PRKG1: variants seen among roughly 807,000 people sequenced by gnomAD.
The protein encoded by PRKG1 is protein kinase cGMP-dependent 1.
A neutral mutation model predicts 88.1 loss-of-function variants in PRKG1; 35 were observed. The ratio of observed to expected loss-of-function variants is 0.40; its 90% CI spans 0.30 to 0.53. The LOEUF is 0.53. PRKG1 is among the 20% of genes least tolerant of loss of function. PRKG1 has a pLI of 0.59. For synonymous variants in PRKG1, 303 were observed against 292.5 expected (o/e 1.04, Z -0.37); for missense variants, 540 against 839.8 (o/e 0.64, Z 4.41).
chr10:51,016,669 C>CTTTTTTTTTTTTTTTTT (rs1323068893), intron 1 of PRKG1, among the ~76,000 whole-genome samples: 17 of 22,760 alleles, frequency 7.5e-4, no homozygotes, highest in Non-Finnish European at 1.1e-3. Flanking sequence ...TATTATTATC[C>CTTTTTTTTTTTTTTTTT]TTTCTTTTTT....
chr10:51,044,504 T>C lies in PRKG1; in HGVS notation c.266+52860T>C, dbSNP rs146863062. On this transcript the variant is annotated intron_variant, in intron 1 of 17. Coordinates refer to the PRKG1 transcript ENST00000401604. ...GGTCGCTATCCCTTTAAAAAAGTTA[T>C]AGCAAATTCTTACATCAAAAAAATA... Among the ~76,000 whole-genome samples the C allele has an allele frequency of 2.4e-3, 366 of 152,270 alleles. 4 individuals carry two copies. The highest frequency in any genetic ancestry group is 8.3e-3 in the African/African-American group (346 of 41,558).
At chr10:52,222,477 T>G (rs1265509195) in intron 9 of PRKG1, among the ~76,000 whole-genome samples, 1 of 152,194 alleles carries the variant, frequency 6.6e-6, no homozygotes, top group Non-Finnish European at 1.5e-5. Context: ...ATGCAATTCT[T>G]CACCATTGGA....
chr10:51,436,341 T>C (rs1838930157), intron 2 of PRKG1, among the ~76,000 whole-genome samples: 1 of 152,000 alleles, frequency 6.6e-6, no homozygotes, highest in South Asian at 2.1e-4. Context: ...TTAGCAGACA[T>C]AGACGTCTCC....
intron 2 of PRKG1, among the ~76,000 whole-genome samples, chr10:51,275,432 G>C (rs1229875313): frequency 6.6e-6 from 1 of 152,092 alleles, no homozygotes; most frequent in Non-Finnish European, 1.5e-5. Context: ...ATTTTTCTTT[G>C]GAAAATGTCT....
At chr10:51,513,915 C>T (rs1316355189) in intron 3 of PRKG1, among the ~76,000 whole-genome samples, 1 of 130,654 alleles carries the variant, frequency 7.7e-6, no homozygotes, top group Non-Finnish European at 1.6e-5. Context: ...AAATTGACAC[C>T]CTAACATCAC....
At chr10:52,108,105 CAGAG>C (rs1369907943) in intron 7 of PRKG1, among the ~76,000 whole-genome samples, 18 of 152,236 alleles carry the variant, frequency 1.2e-4, no homozygotes, top group African/African-American at 4.3e-4. Flanking sequence ...TATGAAAACT[CAGAG>C]AGGTTAAATG....
intron 3 of PRKG1, among the ~76,000 whole-genome samples, chr10:51,689,261 T>TATC (rs67302317): frequency 6.6e-6 from 1 of 151,964 alleles, no homozygotes; most frequent in Non-Finnish European, 1.5e-5. Context: ...TCTATCTATC[T>TATC]ATCTATCTAT....
intron 2 of PRKG1, among the ~76,000 whole-genome samples, chr10:51,214,666 C>T (rs1448321460): frequency 6.6e-6 from 1 of 151,668 alleles, no homozygotes; most frequent in Non-Finnish European, 1.5e-5. Flanking sequence ...TTTGTAGAGA[C>T]GGTGTCTCAT....
intron 2 of PRKG1, among the ~76,000 whole-genome samples, chr10:51,421,516 A>T (rs1322070916): frequency 6.6e-6 from 1 of 152,044 alleles, no homozygotes; most frequent in Non-Finnish European, 1.5e-5. Flanking sequence ...TCTCCAGGTC[A>T]ACCCTGCCTG....
chr10:51,653,626 G>A (rs1840093394), intron 3 of PRKG1, among the ~76,000 whole-genome samples: 1 of 151,920 alleles, frequency 6.6e-6, no homozygotes, highest in African/African-American at 2.4e-5. Flanking sequence ...GAGTGCAGTG[G>A]TGTGATCTCA....
chr10:52,140,489 C>A (rs1352414332), intron 8 of PRKG1, among the ~76,000 whole-genome samples: 1 of 152,136 alleles, frequency 6.6e-6, no homozygotes, highest in South Asian at 2.1e-4. Context: ...ACTCCCCATG[C>A]ACACACCTCT....
chr10:51,272,211 G>A (rs918428749), intron 2 of PRKG1, among the ~76,000 whole-genome samples: 1 of 152,130 alleles, frequency 6.6e-6, no homozygotes. Flanking sequence ...CTGCATAAAT[G>A]TCTTCTTTTG....
At position 51,088,358 on chromosome 10, in the gene PRKG1, G is replaced by A. The variant is rs116029744; in HGVS notation, c.311+13457G>A. Among the ~76,000 whole-genome samples, 981 of 147,704 alleles carry A rather than the reference G, an allele frequency of 6.6e-3. 12 individuals are homozygous for A. The highest frequency in any genetic ancestry group is 0.023 in the African/African-American group (927 of 40,362). On this transcript the variant is annotated intron_variant, in intron 1 of 17. Coordinates refer to ENST00000373980, the MANE Select transcript of PRKG1 (RefSeq NM_006258.4). ...CAATGCTTTCTGATTCTTTATTCTG[G>A]CAGTTAATAAAAATTTCTATGGATT...
intron 2 of PRKG1, among the ~76,000 whole-genome samples, chr10:51,374,089 A>ATAT (rs1554801035): frequency 1.5e-5 from 1 of 68,598 alleles, no homozygotes; most frequent in East Asian, 3.3e-4. Flanking sequence ...TTGCAAAAAA[A>ATAT]AAAAATATAT....
chr10:52,000,277 G>A (rs1344116914), intron 5 of PRKG1, among the ~76,000 whole-genome samples: 3 of 151,732 alleles, frequency 2.0e-5, no homozygotes, highest in Admixed American at 6.6e-5. Flanking sequence ...ATTGTTTTTC[G>A]TAGACTATAC....
intron 2 of PRKG1, among the ~76,000 whole-genome samples, chr10:51,185,423 T>C (rs973743448): frequency 6.6e-6 from 1 of 152,232 alleles, no homozygotes; most frequent in African/African-American, 2.4e-5. Flanking sequence ...TGTATTCAAA[T>C]CCATATGAAT....
chr10:51,811,704 C>G (rs894914967), intron 4 of PRKG1, among the ~76,000 whole-genome samples: 10 of 152,202 alleles, frequency 6.6e-5, no homozygotes, highest in Admixed American at 6.5e-4. Flanking sequence ...ACAATCTTGA[C>G]TAAACATATG....
rs546783970 is a variant in PRKG1, at chr10:52,248,460, C to T, written c.1077-3110C>T. On this transcript the variant is annotated intron_variant, in intron 9 of 17. Coordinates refer to ENST00000373980, the MANE Select transcript of PRKG1 (RefSeq NM_006258.4). ...CAAACAGAATGGAGGATCAAGAGGA[C>T]GACTATTCAAAGACCGCTTCAAAAT... Among the ~76,000 whole-genome samples, 12 of 152,170 alleles carry T rather than the reference C, an allele frequency of 7.9e-5. No homozygotes were observed. In the South Asian group the frequency reaches 1.0e-3, roughly 13 times the overall value.
chr10:51,819,127 T>A (rs10999629), intron 4 of PRKG1, among the ~76,000 whole-genome samples: 12,010 of 150,714 alleles, frequency 0.08, 1,189 homozygotes, highest in African/African-American at 0.23. Context: ...GCATGATACC[T>A]GCATCTGTAT....
Sources: gnomAD v4.1 joint callset for allele counts (sites outside exome capture counted in the v4.1 genomes callset) on GRCh38, gnomAD v4.1.1 for gene constraint, MANE v1.5 for transcripts, NCBI Gene and HGNC (gene_info 2026-07-23, HGNC 2026-07-21) for gene names.